Variants in RCL1 observed in about 807,000 individuals in gnomAD.
RCL1 encodes RNA 3'-terminal phosphate cyclase-like protein.
RCL1 carries 24 observed loss-of-function variants against 42.4 expected under a neutral mutation model. The ratio of observed to expected loss-of-function variants is 0.57; its 90% CI spans 0.41 to 0.80. The LOEUF (loss-of-function observed/expected upper bound fraction) is 0.80, where lower values mean the gene tolerates loss of function less well. Ranked by LOEUF, RCL1 falls within the 30% of genes least tolerant of loss-of-function variation. The probability of loss-of-function intolerance (pLI) is 0.00; values close to 1 mark genes in which losing one functional copy is unlikely to be tolerated. For missense variants in RCL1, 578 were observed against 467.9 expected, an observed-to-expected ratio of 1.24 and a Z score of -2.17; for synonymous variants, 228 against 177.3, an observed-to-expected ratio of 1.29 and a Z score of -2.27.
In RCL1 at chr9:4,796,607, C is replaced by T. The variant is rs375189426; in HGVS notation, c.136+3380C>T. 4.1e-4 allele frequency among the ~76,000 whole-genome samples: 62 copies of T among 152,182 alleles called. No individual in the cohort carries two copies. The East Asian group carries it at 0.01, about 26-fold the overall frequency. On this transcript the variant is annotated intron_variant, in intron 1 of 8. Coordinates refer to ENST00000381750, the MANE Select transcript of RCL1 (RefSeq NM_005772.5). ...AGAGATGGGGTGTTGTCTATGTTGC[C>T]GAGGCTGGTCTTGAACTCCTGGACT...
chr9:4,843,671 A>T (rs1241848472), intron 6 of RCL1, among the ~76,000 whole-genome samples: 2 of 152,190 alleles, frequency 1.3e-5, no homozygotes, highest in African/African-American at 4.8e-5. Flanking sequence ...ACCTTAGAAA[A>T]CTCACACAGA....
intron 3 of RCL1, among the ~76,000 whole-genome samples, chr9:4,827,776 G>GTGTGTGTGTGTT (rs1282967971): frequency 6.6e-6 from 1 of 151,348 alleles, no homozygotes; most frequent in African/African-American, 2.4e-5. Flanking sequence ...GTGTGTGTGT[G>GTGTGTGTGTGTT]TGTGAGAGAG....
intron 8 of RCL1, among the ~76,000 whole-genome samples, chr9:4,853,363 C>T (rs908914683): frequency 4.0e-5 from 6 of 151,164 alleles, no homozygotes; most frequent in Admixed American, 2.6e-4. Context: ...TCCTCTGTCG[C>T]CCAGGCTGAG....
chr9:4,798,087 C>T (rs79423976), intron 1 of RCL1, among the ~76,000 whole-genome samples: 25 of 152,086 alleles, frequency 1.6e-4, no homozygotes, highest in Admixed American at 1.6e-3. Context: ...TGAAGACAAA[C>T]GTGTAGTGAG....
intron 1 of RCL1, among the ~76,000 whole-genome samples, chr9:4,806,566 T>C (rs1251928457): frequency 6.8e-6 from 1 of 146,304 alleles, no homozygotes; most frequent in Non-Finnish European, 1.5e-5. Flanking sequence ...CTTGCATTCC[T>C]GGAATAGATT....
At chr9:4,849,951 C>A (rs187984322) in intron 8 of RCL1, among the ~76,000 whole-genome samples, 2 of 152,152 alleles carry the variant, frequency 1.3e-5, no homozygotes, top group East Asian at 3.9e-4. Context: ...AGGATATGAG[C>A]TCACTGGGAA....
At chr9:4,815,806 G>A (rs1337556617) in intron 1 of RCL1, among the ~76,000 whole-genome samples, 1 of 152,172 alleles carries the variant, frequency 6.6e-6, no homozygotes, top group Non-Finnish European at 1.5e-5. Flanking sequence ...AGGCCTATGA[G>A]GACTGCAGGG....
intron 1 of RCL1, among the ~76,000 whole-genome samples, chr9:4,806,130 C>A (rs1355308053): frequency 1.3e-5 from 2 of 148,528 alleles, no homozygotes; most frequent in Admixed American, 6.8e-5. Context: ...TTTTTTTTCC[C>A]TTGTCATTTC....
intron 8 of RCL1, among the ~76,000 whole-genome samples, chr9:4,859,616 T>C (rs1273126398): frequency 2.0e-5 from 3 of 152,164 alleles, no homozygotes; most frequent in African/African-American, 7.2e-5. Context: ...GTTTTGAATG[T>C]CATGGTGCTG....
At position 4,844,678 on chromosome 9, in the gene RCL1, C is replaced by T. The variant is rs2129682431; in HGVS notation, c.864C>T (p.Tyr288=). The T allele has an allele frequency of 1.9e-6, 3 of 1,612,390 alleles. No homozygotes were observed. Among genetic ancestry groups the T allele is most frequent in the Non-Finnish European group, 2.5e-6 (3 of 1,179,532 alleles). The change falls in exon 7 of 9, where the codon TAC becomes TAT. Residue 288 remains tyrosine (Y), a synonymous_variant. Coordinates refer to ENST00000381750, the MANE Select transcript of RCL1 (RefSeq NM_005772.5). ...NCARLLLEEI[Y]RGGCVDSTNQ... ...CCCGGCTGCTGCTGGAGGAAATCTACAGGGTATGTCCACAGCTTCCTCTGA... is the reference window on the plus strand; with the variant it reads ...CCCGGCTGCTGCTGGAGGAAATCTATAGGGTATGTCCACAGCTTCCTCTGA...
intron 5 of RCL1, 26 bp from the exon 6 acceptor site, chr9:4,841,206 A>G: frequency 6.2e-7 from 1 of 1,613,892 alleles, no homozygotes; most frequent in African/African-American, 1.3e-5. Flanking sequence ...TTCAAGCAGA[A>G]TGACATCCTT....
chr9:4,823,654 T>G lies in RCL1; in HGVS notation c.208+35T>G, dbSNP rs199613540. On this transcript the variant is annotated intron_variant, in intron 2 of 8. Coordinates refer to ENST00000381750, the MANE Select transcript of RCL1 (RefSeq NM_005772.5). Reference sequence around the variant, plus strand: ...TTTTAGATTCCTAAAAGCACCTCCATGCACTAAAGCATTCCTGTTTCTCAC... The same window carrying G: ...TTTTAGATTCCTAAAAGCACCTCCAGGCACTAAAGCATTCCTGTTTCTCAC... The G allele has an allele frequency of 4.2e-6, 6 of 1,423,848 alleles. No individual in the cohort carries two copies. The African/African-American group carries it at 8.6e-5, about 20-fold the overall frequency. 88.2% of individuals were successfully genotyped at this position (1,423,848 alleles called of 1,614,324 possible).
chr9:4,800,013 T>G (rs890306059), intron 1 of RCL1, among the ~76,000 whole-genome samples: 2 of 152,150 alleles, frequency 1.3e-5, no homozygotes, highest in Non-Finnish European at 2.9e-5. Context: ...AGGACTGGCT[T>G]TTTTTCAGTC....
chr9:4,792,998 T>A lies in RCL1; in HGVS notation c.-94T>A. 7.0e-7 allele frequency: 1 copy of A among 1,427,894 alleles called. No individual in the cohort carries two copies. Among genetic ancestry groups the A allele is most frequent in the Non-Finnish European group, 9.4e-7 (1 of 1,066,796 alleles). 88.5% of individuals were successfully genotyped at this position (1,427,894 alleles called of 1,614,324 possible). A position where few individuals can be genotyped will look rare whatever the true frequency, so the allele number is the denominator to read the frequency against. ...AGGCAGCCCGAGCCGCCGCCGTCGG[T>A]GTCGCCGCCACCACCACCATCGGAG... On this transcript the variant is annotated 5_prime_UTR_variant, in exon 1 of 9. Transcript: ENST00000381750.
chr9:4,793,434 A>G (rs952130763), intron 1 of RCL1, among the ~76,000 whole-genome samples: 1 of 152,140 alleles, frequency 6.6e-6, no homozygotes, highest in Non-Finnish European at 1.5e-5. Context: ...GCTCAGCTGC[A>G]AGCTGCGCTC....
chr9:4,835,635 A>C (rs1398713231), intron 5 of RCL1, among the ~76,000 whole-genome samples: 1 of 152,218 alleles, frequency 6.6e-6, no homozygotes, highest in Admixed American at 6.5e-5. Context: ...GTGTTTTTGT[A>C]GGTTGTTAAT....
intron 1 of RCL1, among the ~76,000 whole-genome samples, chr9:4,813,877 G>T (rs980151782): frequency 6.6e-6 from 1 of 152,138 alleles, no homozygotes; most frequent in East Asian, 1.9e-4. Context: ...GATGAGTTCA[G>T]GTCCTTTGTA....
At chr9:4,849,627 G>A (rs1350641601) in intron 8 of RCL1, 77 bp downstream of exon 8, 1 of 1,050,854 alleles carries the variant, frequency 9.5e-7, no homozygotes, top group African/African-American at 1.6e-5. Flanking sequence ...AGGGTGTTGT[G>A]CTGCACAGAG....
intron 5 of RCL1, among the ~76,000 whole-genome samples, chr9:4,838,873 T>C (rs995976929): frequency 2.0e-5 from 3 of 152,208 alleles, no homozygotes. Context: ...CTTGGATAAG[T>C]AATAAAGAAA....
Sources: gnomAD v4.1 joint callset for allele counts (sites outside exome capture counted in the v4.1 genomes callset) on GRCh38, gnomAD v4.1.1 for gene constraint, MANE v1.5 for transcripts, NCBI Gene and HGNC (gene_info 2026-07-23, HGNC 2026-07-21) for gene names.